Variants in SERPINB6 observed in about 807,000 individuals in gnomAD.
SERPINB6 encodes serpin B6.
In SERPINB6, 16 loss-of-function variants were observed where a neutral mutation model predicts 26.1. The observed-to-expected ratio is 0.61, with a 90% CI of 0.42 to 0.93. The LOEUF is 0.93. Among genes scored for constraint, SERPINB6 ranks in the 40% least tolerant of loss-of-function variants. The pLI, the probability that SERPINB6 is intolerant of heterozygous loss-of-function variation, is 0.00. For missense variants in SERPINB6, 420 were observed against 478.0 expected, an observed-to-expected ratio of 0.88 and a Z score of 1.13; for synonymous variants, 174 against 176.6, an observed-to-expected ratio of 0.99 and a Z score of 0.11.
At chr6:2,952,389 T>C (rs981524958) in intron 5 of SERPINB6, among the ~76,000 whole-genome samples, 1 of 152,142 alleles carries the variant, frequency 6.6e-6, no homozygotes, top group Non-Finnish European at 1.5e-5. Flanking sequence ...TTTCTATAGT[T>C]AAAGAAAAAC....
In SERPINB6 at chr6:2,959,350, A is replaced by T; in HGVS notation, c.-10-8T>A. 6.2e-7 allele frequency: 1 copy of T among 1,613,510 alleles called. No individual in the cohort carries two copies. On this transcript the variant is annotated splice_region_variant and splice_polypyrimidine_tract_variant and intron_variant, in intron 1 of 6. Transcript: ENST00000380539. ...ACATCCATGATGGCAGACCTGGAAC[A>T]AGATTTAAAATCAGTATCACTTAAG...
intron 1 of SERPINB6, chr6:2,970,641 C>A (rs1259925878): frequency 1.4e-5 from 17 of 1,222,604 alleles, no homozygotes; most frequent in Non-Finnish European, 1.7e-5. Context: ...CAGATGCCCC[C>A]TCGCATCTGA....
At chr6:2,965,083 G>A (rs1282256489) in intron 1 of SERPINB6, among the ~76,000 whole-genome samples, 1 of 152,218 alleles carries the variant, frequency 6.6e-6, no homozygotes, top group Non-Finnish European at 1.5e-5. Context: ...AATAGCATTC[G>A]ATGCTAAGCC....
chr6:2,970,855 G>T, intron 1 of SERPINB6: 2 of 1,231,468 alleles, frequency 1.6e-6, no homozygotes, highest in Non-Finnish European at 2.0e-6. Flanking sequence ...ACACAGAGCG[G>T]TAAGGAGATC....
At chr6:2,961,519 G>C (rs1212479508) in intron 1 of SERPINB6, among the ~76,000 whole-genome samples, 1 of 152,116 alleles carries the variant, frequency 6.6e-6, no homozygotes, top group Admixed American at 6.5e-5. Context: ...AGAACTGCCC[G>C]CTTATCAACT....
rs373558446 is a variant in SERPINB6 at position 2,957,236 on chromosome 6, G to A, written c.166-1566C>T. Reference sequence around the variant, plus strand: ...ACAGGGAGGATGGAGTGCCTCCCCCGGGAACTCCTGCATCTGGCTAAGGGG... The same window carrying A: ...ACAGGGAGGATGGAGTGCCTCCCCCAGGAACTCCTGCATCTGGCTAAGGGG... On this transcript the variant is annotated intron_variant, in intron 2 of 6. Coordinates refer to ENST00000380539, the MANE Select transcript of SERPINB6 (RefSeq NM_004568.6). 8 of 152,304 alleles carry A rather than the reference G, an allele frequency of 5.3e-5. No homozygotes were observed. The East Asian group carries it at 5.8e-4, about 11-fold the overall frequency. The allele number at this position is 152,304 out of a possible 1,614,324, so 9.4% of individuals were successfully genotyped here.
chr6:2,956,280 AG>A (rs1228561577), intron 2 of SERPINB6: 1 of 154,518 alleles, frequency 6.5e-6, no homozygotes, highest in Non-Finnish European at 1.4e-5. Context: ...CAGAAGGGGC[AG>A]ACTCCCTCCT....
intron 1 of SERPINB6, chr6:2,970,425 A>T: frequency 9.5e-7 from 1 of 1,054,144 alleles, no homozygotes; most frequent in Non-Finnish European, 1.1e-6. Context: ...ATCTATGCTG[A>T]TAACAGCAGT....
chr6:2,949,951 T>C (rs1049006334), intron 5 of SERPINB6, among the ~76,000 whole-genome samples: 2 of 152,188 alleles, frequency 1.3e-5, no homozygotes, highest in African/African-American at 2.4e-5. Flanking sequence ...CTCCAGAACC[T>C]GGAGAGTGAA....
At position 2,948,172 on chromosome 6, in the gene SERPINB6, C is replaced by A; in HGVS notation, c.*126G>T. On this transcript the variant is annotated 3_prime_UTR_variant, in exon 7 of 7. Coordinates refer to ENST00000380539, the MANE Select transcript of SERPINB6 (RefSeq NM_004568.6). The surrounding 1 kb of genome is among the most constrained non-coding windows in gnomAD (Gnocchi z 5.0). ...AAACACACGGAGTGAATGCGGCATCCCACAAATGGGCCCTTTATTTCTGAA... is the reference window on the plus strand; with the variant it reads ...AAACACACGGAGTGAATGCGGCATCACACAAATGGGCCCTTTATTTCTGAA... The A allele has an allele frequency of 9.4e-7, 1 of 1,063,328 alleles. No homozygotes were observed. The highest frequency in any genetic ancestry group is 1.4e-6 in the Non-Finnish European group (1 of 690,488). The allele number at this position is 1,063,328 out of a possible 1,614,324, so 65.9% of individuals were successfully genotyped here.
chr6:2,948,690 C>A lies in SERPINB6; in HGVS notation c.739G>T (p.Glu247Ter). ...ETTDLRTVEKELTYEKFVEWT... is the reference protein window; with the variant it reads ...ETTDLRTVEK ...TCTACGAACTTCTCGTAAGTGAGTT[C>A]TTTCTCCACCTAGAGGGAGACAGTT... The change falls in exon 7 of 7, where the codon GAA (glutamate) becomes TAA (stop). Residue 247 changes from glutamate (E) to a stop codon, truncating the protein, a stop_gained. Coordinates refer to ENST00000380539, the MANE Select transcript of SERPINB6 (RefSeq NM_004568.6). LOFTEE classifies it low-confidence loss of function (END_TRUNC). This position sits in a 1 kb window ranked among gnomAD's most constrained non-coding sequence, Gnocchi z 5.0. The A allele has an allele frequency of 1.2e-6, 2 of 1,614,146 alleles. No homozygotes were observed. Among genetic ancestry groups the A allele is most frequent in the African/African-American group, 1.3e-5 (1 of 75,064 alleles).
At chr6:2,966,526 G>T in intron 1 of SERPINB6, 1 of 421,508 alleles carries the variant, frequency 2.4e-6, no homozygotes, top group Non-Finnish European at 3.2e-6. Context: ...GTCAGTGGCA[G>T]CGTTGGAGTC....
intron 1 of SERPINB6, chr6:2,961,382 T>G (rs1247760237): frequency 6.6e-6 from 1 of 152,166 alleles, no homozygotes; most frequent in Non-Finnish European, 1.5e-5. Flanking sequence ...AAGGGAGTCT[T>G]TGATGATACA....
chr6:2,962,048 A>T (rs2113288339), intron 1 of SERPINB6: 3 of 985,440 alleles, frequency 3.0e-6, no homozygotes, highest in East Asian at 2.3e-4. Context: ...TCAAATGGAA[A>T]TGTCCACCTA....
Position 2,969,768 on chromosome 6 carries a change from A to ATGTGTG in SERPINB6, c.-11+1759_-11+1764dup, listed in dbSNP as rs141424938. On this transcript the variant is annotated intron_variant, in intron 1 of 6. Transcript: ENST00000380539. ...CCCTCTGTTTCCTTGTGCAGTGTGTATGTGTGTGTGTGTGTGTGTTGTGTG... is the reference window on the plus strand; with the variant it reads ...CCCTCTGTTTCCTTGTGCAGTGTGTATGTGTGTGTGTGTGTGTGTGTGTGTTGTGTG... 7,941 of 941,518 alleles carry ATGTGTG rather than the reference A, an allele frequency of 8.4e-3. 278 individuals are homozygous for ATGTGTG. In the African/African-American group the frequency reaches 0.11, roughly 13 times the overall value. The allele number at this position is 941,518 out of a possible 1,614,324, so 58.3% of individuals were successfully genotyped here.
intron 1 of SERPINB6, chr6:2,960,926 G>GA (rs1330686686): frequency 6.6e-6 from 1 of 152,228 alleles, no homozygotes; most frequent in Admixed American, 6.6e-5. Context: ...GATCTCACGG[G>GA]AAAAAGCAAT....
In SERPINB6 at chr6:2,957,504, C is replaced by T. The variant is rs139903853; in HGVS notation, c.165+1664G>A. On this transcript the variant is annotated intron_variant, in intron 2 of 6. Coordinates refer to ENST00000380539, the MANE Select transcript of SERPINB6 (RefSeq NM_004568.6). ...GCCTCAAGGGTGAGGTCCAAATCCA[C>T]TTTGTTAAACCTTAGAAGATTCAGA... 2.3e-4 allele frequency: 35 copies of T among 152,336 alleles called. No individual in the cohort carries two copies. The East Asian group carries it at 6.4e-3, about 28-fold the overall frequency. The allele number at this position is 152,336 out of a possible 1,614,324, so 9.4% of individuals were successfully genotyped here. A position where few individuals can be genotyped will look rare whatever the true frequency, so the allele number is the denominator to read the frequency against.
At chr6:2,969,770 G>GTA in intron 1 of SERPINB6, 3 of 731,008 alleles carry the variant, frequency 4.1e-6, no homozygotes, top group Non-Finnish European at 5.0e-6. Context: ...CAGTGTGTAT[G>GTA]TGTGTGTGTG....
chr6:2,962,158 C>A, intron 1 of SERPINB6: 1 of 985,476 alleles, frequency 1.0e-6, no homozygotes, highest in Non-Finnish European at 1.2e-6. Flanking sequence ...AGCAAAGCCA[C>A]CTTTGTCTGA....
Sources: allele counts gnomAD v4.1 joint callset (sites outside exome capture counted in the v4.1 genomes callset), GRCh38; gene constraint gnomAD v4.1.1; non-coding constraint Gnocchi (gnomAD v3.1); transcripts MANE v1.5; gene names NCBI Gene and HGNC (gene_info 2026-07-23, HGNC 2026-07-21).